The following MFSD11 variants were observed in gnomAD, a reference collection of about 807,000 sequenced individuals.
MFSD11 encodes the protein UNC93-like protein MFSD11.
A neutral mutation model predicts 53.5 loss-of-function variants in MFSD11; 36 were observed. The observed-to-expected ratio is 0.67, with a 90% CI of 0.52 to 0.89. The LOEUF (loss-of-function observed/expected upper bound fraction) is 0.89. Ranked by LOEUF, MFSD11 falls within the 40% of genes least tolerant of loss-of-function variation. The pLI, the probability that MFSD11 is intolerant of heterozygous loss-of-function variation, is 0.00. For synonymous variants in MFSD11, 186 were observed against 184.9 expected, an observed-to-expected ratio of 1.01 and a Z score of -0.05; for missense variants, 530 against 543.9, an observed-to-expected ratio of 0.97 and a Z score of 0.25.
At chr17:76,737,964 C>T (rs1438493122), upstream of MFSD11, 1 of 252,558 alleles carries the variant, frequency 4.0e-6, no homozygotes. Flanking sequence ...GCCGGCGCCG[C>T]GGCTGCGGTC....
intron 8 of MFSD11, among the ~76,000 whole-genome samples, chr17:76,758,556 A>G (rs675916): frequency 0.83 from 118,799 of 143,886 alleles, 50,771 homozygotes; most frequent in Non-Finnish European, 0.93. Flanking sequence ...GCACTCCAGC[A>G]TGGGCACAGA....
Position 76,776,512 on chromosome 17 carries a change from C to T in MFSD11, c.1156C>T (p.Pro386Ser), listed in dbSNP as rs1183217386. 2 of 1,614,000 alleles carry T rather than the reference C, an allele frequency of 1.2e-6. No homozygotes were observed. Among genetic ancestry groups the T allele is most frequent in the South Asian group, 2.2e-5 (2 of 91,068 alleles). ...LGFLYSEDSA[P>S]AFAIFKFVQS... The stretch of plus-strand genomic sequence containing the variant: ...CTTTCTGTATTCTGAAGACAGCGCC[C>T]CAGCATTTGCCATCTTCAAGTTTGT... Residue 386 changes from proline to serine, a missense_variant, in exon 12 of 13, where the codon CCA becomes TCA. Pro to Ser is a moderately conservative substitution (Grantham distance 74). Transcript: ENST00000685175. This position sits in a 1 kb window ranked among gnomAD's most constrained non-coding sequence, Gnocchi z 4.2.
At chr17:76,769,031 C>T (rs1163616331) in intron 9 of MFSD11, among the ~76,000 whole-genome samples, 6 of 151,310 alleles carry the variant, frequency 4.0e-5, no homozygotes, top group Non-Finnish European at 5.9e-5. Flanking sequence ...TGGAAAGCTA[C>T]TAACAAGGTT....
chr17:76,796,399 G>T, the MFSD11 span, among the ~76,000 whole-genome samples: 3,049 of 152,186 alleles, frequency 0.02, 46 homozygotes, highest in Non-Finnish European at 0.034. Context: ...TGGGGGGAAG[G>T]ACTGTCATTT....
At position 76,778,280 on chromosome 17, in the gene MFSD11, A is replaced by G. The variant is rs183768772; in HGVS notation, c.1278A>G (p.Thr426=). The G allele has an allele frequency of 9.9e-4, 1,603 of 1,614,152 alleles. 23 individuals carry two copies. Among genetic ancestry groups the G allele is most frequent in the Non-Finnish European group, 2.0e-4 (237 of 1,180,032 alleles). Residue 426 remains threonine (T), a synonymous_variant, in exon 13 of 13, where the codon ACA becomes ACG. Coordinates refer to ENST00000685175, the MANE Select transcript of MFSD11 (RefSeq NM_001242532.5). ...TGGTGATATTTGGGTTTTTTGGAAC[A>G]ATTTCTTTCTTCACTGTGGAATGGG... ...LVMVIFGFFG[T]ISFFTVEWEA...
the MFSD11 span, among the ~76,000 whole-genome samples, chr17:76,798,728 T>C: frequency 6.6e-6 from 1 of 152,086 alleles, no homozygotes; most frequent in Non-Finnish European, 1.5e-5. Context: ...TATTATGATT[T>C]AGAAAATAAG....
At chr17:76,749,217 A>G (rs554611765) in intron 7 of MFSD11, among the ~76,000 whole-genome samples, 1 of 152,292 alleles carries the variant, frequency 6.6e-6, no homozygotes, top group South Asian at 2.1e-4. Flanking sequence ...GAGCCACAGG[A>G]TGAATGTGAT....
the MFSD11 span, among the ~76,000 whole-genome samples, chr17:76,792,316 A>T: frequency 6.6e-6 from 1 of 151,090 alleles, no homozygotes; most frequent in East Asian, 1.9e-4. Context: ...AGGGGGTTTC[A>T]CTATGTTGTC....
At chr17:76,795,954 C>G in the MFSD11 span, among the ~76,000 whole-genome samples, 3,672 of 151,910 alleles carry the variant, frequency 0.024, 147 homozygotes, top group African/African-American at 0.083. Flanking sequence ...TGTGAGCCAC[C>G]ACGCCTGGCC....
chr17:76,771,503 G>C (rs767906989), intron 10 of MFSD11, among the ~76,000 whole-genome samples: 1 of 152,204 alleles, frequency 6.6e-6, no homozygotes, highest in Non-Finnish European at 1.5e-5. Context: ...TGCCCATATA[G>C]AGCTTATATT....
intron 7 of MFSD11, among the ~76,000 whole-genome samples, chr17:76,747,219 C>T (rs2078632608): frequency 6.6e-6 from 1 of 152,136 alleles, no homozygotes; most frequent in South Asian, 2.1e-4. Context: ...ACATTAAGAA[C>T]ATCTGTGCCT....
intron 7 of MFSD11, among the ~76,000 whole-genome samples, chr17:76,749,040 ACAGG>A (rs2078804786): frequency 6.6e-6 from 1 of 152,216 alleles, no homozygotes; most frequent in Non-Finnish European, 1.5e-5. Flanking sequence ...GAGAAAAGAA[ACAGG>A]CAGGTTTTAA....
chr17:76,744,703 A>G (rs1267171201), intron 7 of MFSD11, among the ~76,000 whole-genome samples: 2 of 152,202 alleles, frequency 1.3e-5, no homozygotes, highest in African/African-American at 2.4e-5. Flanking sequence ...TGGCCTTGCC[A>G]CTGATGTGTG....
chr17:76,799,826 C>T, the MFSD11 span, among the ~76,000 whole-genome samples: 1 of 152,134 alleles, frequency 6.6e-6, no homozygotes, highest in African/African-American at 2.4e-5. Context: ...AAAAAAACTC[C>T]AGCATGTTTT....
chr17:76,758,899 A>G (rs796434359), intron 8 of MFSD11, among the ~76,000 whole-genome samples: 43 of 152,222 alleles, frequency 2.8e-4, no homozygotes, highest in African/African-American at 9.9e-4. Flanking sequence ...TCAATACTTA[A>G]CTAAGGTCAC....
At chr17:76,737,338 G>A (rs2077567849), upstream of MFSD11, 2 of 810,208 alleles carry the variant, frequency 2.5e-6, no homozygotes, top group East Asian at 2.8e-5. Context: ...AACTGGGCGG[G>A]CAGCCGGCCT....
rs752069727 is a variant in MFSD11 at position 76,738,325 on chromosome 17, C to T, written c.-28C>T. ...CCCGAGGAGAGCTGACTGCCCTGGG[C>T]TGCTGCCTCCGGCAGAGCTGAGCCA... On this transcript the variant is annotated 5_prime_UTR_variant, in exon 1 of 13. Coordinates refer to ENST00000685175, the MANE Select transcript of MFSD11 (RefSeq NM_001242532.5). 1 of 1,531,180 alleles carries T rather than the reference C, an allele frequency of 6.5e-7. No individual in the cohort carries two copies. Among genetic ancestry groups the T allele is most frequent in the African/African-American group, 1.4e-5 (1 of 73,314 alleles). The allele number at this position is 1,531,180 out of a possible 1,614,324, so 94.8% of individuals were successfully genotyped here.
At position 76,743,343 on chromosome 17, in the gene MFSD11, A is replaced by C. The variant is rs552807927; in HGVS notation, c.438-55A>C. ...TAATGGGAATAATTATTTTTAAAAA[A>C]CTATAAATATTAAAATAATTACCCA... On this transcript the variant is annotated intron_variant, in intron 5 of 12. Coordinates refer to ENST00000685175, the MANE Select transcript of MFSD11 (RefSeq NM_001242532.5). 6.0e-6 allele frequency: 7 copies of C among 1,159,260 alleles called. No individual in the cohort carries two copies. In the East Asian group the frequency reaches 1.8e-4, roughly 29 times the overall value. 71.8% of individuals were successfully genotyped at this position (1,159,260 alleles called of 1,614,324 possible). A position where few individuals can be genotyped will look rare whatever the true frequency, so the allele number is the denominator to read the frequency against.
At chr17:76,755,431 A>G (rs1294537302) in intron 8 of MFSD11, among the ~76,000 whole-genome samples, 1 of 152,072 alleles carries the variant, frequency 6.6e-6, no homozygotes, top group Non-Finnish European at 1.5e-5. Context: ...GACCATGTAT[A>G]TTCATTAAGC....
Sources: allele counts gnomAD v4.1 joint callset (sites outside exome capture counted in the v4.1 genomes callset), GRCh38; gene constraint gnomAD v4.1.1; non-coding constraint Gnocchi (gnomAD v3.1); transcripts MANE v1.5; gene names NCBI Gene and HGNC (gene_info 2026-07-23, HGNC 2026-07-21).